Variants in JAK1 observed in about 807,000 individuals in gnomAD.
JAK1 encodes the protein tyrosine-protein kinase JAK1.
A neutral mutation model predicts 136.6 loss-of-function variants in JAK1; 16 were observed. The observed-to-expected ratio is 0.12, with a 90% confidence interval of 0.08 to 0.18. The LOEUF is 0.18. Ranked by LOEUF, JAK1 falls within the 10% of genes least tolerant of loss-of-function variation. JAK1 has a pLI of 1.00. For synonymous variants in JAK1, 492 were observed against 519.5 expected (o/e 0.95, Z 0.72); for missense variants, 859 against 1,450.1 (o/e 0.59, Z 6.62).
At chr1:65,053,583 G>T (rs1647391838) in intron 1 of JAK1, among the ~76,000 whole-genome samples, 1 of 152,232 alleles carries the variant, frequency 6.6e-6, no homozygotes, top group South Asian at 2.1e-4. Context: ...CAATGTGGTG[G>T]CCTAGGCCTG....
At chr1:64,860,427 T>TGC (rs1570653901) in intron 8 of JAK1, among the ~76,000 whole-genome samples, 165 bp from the exon 9 acceptor site, 90 of 81,838 alleles carry the variant, frequency 1.1e-3, no homozygotes, top group Middle Eastern at 4.8e-3. Context: ...TGCATTTATT[T>TGC]ATTTATTTAT....
intron 1 of JAK1, among the ~76,000 whole-genome samples, chr1:64,957,432 C>T (rs1646208122): frequency 1.3e-5 from 2 of 152,258 alleles, no homozygotes; most frequent in African/African-American, 4.8e-5. Flanking sequence ...CACCATAGGT[C>T]TTTGGCACAT....
intron 1 of JAK1, among the ~76,000 whole-genome samples, chr1:64,893,942 A>C (rs181160171): frequency 6.6e-6 from 1 of 152,320 alleles, no homozygotes; most frequent in Admixed American, 6.5e-5. Context: ...TGTGTCTACC[A>C]AGCATTCACC....
intron 2 of JAK1, among the ~76,000 whole-genome samples, chr1:64,999,692 A>C (rs1232253945): frequency 6.6e-6 from 1 of 150,412 alleles, no homozygotes; most frequent in East Asian, 2.0e-4. Context: ...CCATGATCAC[A>C]CCATTGCACT....
chr1:65,045,080 C>T (rs180958025), intron 1 of JAK1, among the ~76,000 whole-genome samples: 37 of 152,350 alleles, frequency 2.4e-4, no homozygotes, highest in East Asian at 3.9e-4. Context: ...GGTGGGTCCA[C>T]GGTCCTCGGT....
intron 1 of JAK1, among the ~76,000 whole-genome samples, chr1:64,958,890 A>G (rs1646236523): frequency 6.6e-6 from 1 of 152,262 alleles, no homozygotes; most frequent in Non-Finnish European, 1.5e-5. Context: ...ATTCATTACA[A>G]ATGGTTCTTA....
chr1:64,955,647 G>A (rs1189677298), intron 1 of JAK1, among the ~76,000 whole-genome samples: 9 of 152,220 alleles, frequency 5.9e-5, no homozygotes, highest in Non-Finnish European at 1.3e-4. Flanking sequence ...CTAAAGGCTT[G>A]TGATCAGTAG....
chr1:64,873,014 G>A (rs1273804923), intron 5 of JAK1, among the ~76,000 whole-genome samples: 6 of 152,070 alleles, frequency 3.9e-5, no homozygotes, highest in African/African-American at 1.4e-4. Flanking sequence ...GCTGAGAAGT[G>A]CCTTCTTCAG....
intron 2 of JAK1, among the ~76,000 whole-genome samples, chr1:64,977,138 C>CTTGTTTGTTTGTTTGT (rs10636048): frequency 6.1e-5 from 9 of 148,384 alleles, no homozygotes; most frequent in East Asian, 2.1e-4. Flanking sequence ...ACAGCTTCAT[C>CTTGTTTGTTTGTTTGT]TTGTTTGTTT....
chr1:64,986,106 A>ATTTT, intron 2 of JAK1: 7 of 757,606 alleles, frequency 9.2e-6, no homozygotes, highest in South Asian at 1.6e-5. Flanking sequence ...CCTCAATCTA[A>ATTTT]TTGTTTTTTT....
intron 1 of JAK1, among the ~76,000 whole-genome samples, chr1:64,896,757 G>A (rs1194549390): frequency 6.6e-6 from 1 of 152,162 alleles, no homozygotes; most frequent in Non-Finnish European, 1.5e-5. Context: ...AAAAGAGCAC[G>A]TCTGGAGAAG....
At chr1:64,980,626 C>T (rs1053908781) in intron 2 of JAK1, among the ~76,000 whole-genome samples, 5 of 151,218 alleles carry the variant, frequency 3.3e-5, no homozygotes, top group African/African-American at 9.7e-5. Flanking sequence ...CACAACGTGC[C>T]GGTTTGTCAC....
chr1:64,964,445 T>C (rs185759531), intron 1 of JAK1, among the ~76,000 whole-genome samples: 2 of 152,392 alleles, frequency 1.3e-5, no homozygotes, highest in East Asian at 1.9e-4. Flanking sequence ...CGGAAGTATA[T>C]GGCTTTAGCC....
At chr1:64,886,230 CT>C (rs760650725) in intron 2 of JAK1, 28 bp downstream of exon 2, 126 of 1,497,648 alleles carry the variant, frequency 8.4e-5, no homozygotes, top group Non-Finnish European at 9.9e-5. Flanking sequence ...AGATATTTTC[CT>C]TTTTTAAAAA....
intron 1 of JAK1, among the ~76,000 whole-genome samples, chr1:64,965,381 A>C (rs977699898): frequency 6.6e-6 from 1 of 152,168 alleles, no homozygotes; most frequent in East Asian, 1.9e-4. Context: ...CCCCTTCCCC[A>C]GGAACACACA....
chr1:65,034,685 A>G (rs1271582439), intron 2 of JAK1, among the ~76,000 whole-genome samples: 3 of 152,244 alleles, frequency 2.0e-5, no homozygotes, highest in Non-Finnish European at 2.9e-5. Flanking sequence ...GTTTCTCCAT[A>G]CAAACCATGA....
intron 9 of JAK1, among the ~76,000 whole-genome samples, chr1:64,859,263 T>G (rs1656142855): frequency 6.6e-6 from 1 of 152,246 alleles, no homozygotes; most frequent in Admixed American, 6.5e-5. Context: ...TGTTTTCCTT[T>G]GCCTGAAGGG....
chr1:64,913,655 A>AAG lies in JAK1; in HGVS notation c.-77-27315_-77-27314insCT, dbSNP rs1553168149. On this transcript the variant is annotated intron_variant, in intron 1 of 24. Transcript: ENST00000342505. ...AGGGAGGAAGGGAGGAAGGAAGGAA[A>AAG]GAAGGAAGGAAGGAAGGAAGGAAGG... Among the ~76,000 whole-genome samples, 96 of 34,480 alleles carry AAG rather than the reference A, an allele frequency of 2.8e-3. 2 individuals are homozygous for AAG. Among genetic ancestry groups the AAG allele is most frequent in the Admixed American group, 8.3e-3 (22 of 2,662 alleles). 22.6% of individuals were successfully genotyped at this position (34,480 alleles called of 152,430 possible).
intron 8 of JAK1, among the ~76,000 whole-genome samples, chr1:64,860,539 C>T (rs1570654210): frequency 1.3e-5 from 2 of 150,312 alleles, no homozygotes; most frequent in South Asian, 2.1e-4. Flanking sequence ...CTGCAACCTC[C>T]GCCTCCTGGG....
Sources: allele counts gnomAD v4.1 joint callset (sites outside exome capture counted in the v4.1 genomes callset), GRCh38; gene constraint gnomAD v4.1.1; transcripts MANE v1.5; gene names NCBI Gene and HGNC (gene_info 2026-07-23, HGNC 2026-07-21).